KLRD1: variants seen among roughly 807,000 people sequenced by gnomAD.
The protein encoded by KLRD1 is killer cell lectin like receptor D1, also known as natural killer cells antigen CD94.
KLRD1 carries 21 observed loss-of-function variants against 22.6 expected under a neutral mutation model. The ratio of observed to expected loss-of-function variants is 0.93; its 90% CI spans 0.66 to 1.34. The LOEUF (loss-of-function observed/expected upper bound fraction) is 1.34. Ranked by LOEUF, KLRD1 falls within the 40% of genes most tolerant of loss-of-function variation. KLRD1 has a pLI of 0.00. For synonymous variants in KLRD1, 59 were observed against 71.1 expected (o/e 0.83, Z 0.85); for missense variants, 183 against 208.6 (o/e 0.88, Z 0.76).
chr12:10,283,388 G>A (rs12817905), intron 1 of KLRD1, among the ~76,000 whole-genome samples: 18,366 of 152,202 alleles, frequency 0.12, 1,803 homozygotes, highest in African/African-American at 0.26. Flanking sequence ...GAGGAGCGGA[G>A]AGTGGGGATA....
At chr12:10,301,949 C>T (rs1592073659), upstream of KLRD1, among the ~76,000 whole-genome samples, 3 of 152,030 alleles carry the variant, frequency 2.0e-5, no homozygotes, top group South Asian at 2.1e-4. Flanking sequence ...AGAGGGAGAA[C>T]GAGATGGGGA....
At chr12:10,272,381 G>A (rs550572949) in intron 1 of KLRD1, among the ~76,000 whole-genome samples, 145 of 152,164 alleles carry the variant, frequency 9.5e-4, no homozygotes, top group African/African-American at 3.3e-3. Flanking sequence ...TGAGATTTAA[G>A]TCCCCTCTAA....
upstream of KLRD1, among the ~76,000 whole-genome samples, chr12:10,305,828 G>A (rs1949913356): frequency 6.6e-6 from 1 of 152,128 alleles, no homozygotes; most frequent in South Asian, 2.1e-4. Context: ...GAGAGATACA[G>A]TACATGGAAA....
upstream of KLRD1, among the ~76,000 whole-genome samples, chr12:10,305,719 A>G (rs1451765463): frequency 2.0e-5 from 3 of 152,210 alleles, no homozygotes; most frequent in Non-Finnish European, 4.4e-5. Context: ...GAACCCATAG[A>G]TACAGCTATA....
At chr12:10,245,545 A>C (rs1949282763) in intron 1 of KLRD1, among the ~76,000 whole-genome samples, 1 of 152,094 alleles carries the variant, frequency 6.6e-6, no homozygotes, top group African/African-American at 2.4e-5. Flanking sequence ...GTAATTTTTA[A>C]CTCTCTGTTT....
intron 1 of KLRD1, among the ~76,000 whole-genome samples, chr12:10,284,440 A>T (rs1006542469): frequency 1.3e-5 from 2 of 152,294 alleles, no homozygotes; most frequent in African/African-American, 4.8e-5. Context: ...CCAGTTCTTT[A>T]TCCATAAGGC....
chr12:10,282,251 T>G (rs1269387377), intron 1 of KLRD1, among the ~76,000 whole-genome samples: 1 of 152,032 alleles, frequency 6.6e-6, no homozygotes, highest in African/African-American at 2.4e-5. Context: ...CACATATGTA[T>G]ACATACATTT....
intron 1 of KLRD1, among the ~76,000 whole-genome samples, chr12:10,254,636 C>T (rs1351080433): frequency 1.3e-5 from 2 of 152,018 alleles, no homozygotes; most frequent in African/African-American, 4.8e-5. Flanking sequence ...CACCTGTAAT[C>T]CCAGCACTTT....
intron 5 of KLRD1, among the ~76,000 whole-genome samples, chr12:10,314,212 GA>G (rs1285318298): frequency 1.3e-5 from 2 of 152,042 alleles, no homozygotes; most frequent in African/African-American, 2.4e-5. Flanking sequence ...TATTCTGGTA[GA>G]CCCCAATATT....
At chr12:10,266,979 ACGTG>A (rs1244002029) in intron 1 of KLRD1, among the ~76,000 whole-genome samples, 1 of 151,578 alleles carries the variant, frequency 6.6e-6, no homozygotes, top group Non-Finnish European at 1.5e-5. Context: ...CATGTGCACA[ACGTG>A]CAGGTTTGTT....
intron 3 of KLRD1, 94 bp from the exon 4 acceptor site, chr12:10,311,365 TAAAAG>T: frequency 5.9e-6 from 7 of 1,185,878 alleles, no homozygotes; most frequent in Non-Finnish European, 8.4e-6. Flanking sequence ...TTCTGAATGT[TAAAAG>T]AATACACAGC....
rs963306387 is a variant in KLRD1 at position 10,323,655 on chromosome 12, CT to C, written c.*8863del. Reference sequence around the variant, plus strand: ...ACTAACCTCAAAAGTATCCTTTCCCCTATGTATAAAATACTTCCTCTTGCTC... The same window carrying C: ...ACTAACCTCAAAAGTATCCTTTCCCCATGTATAAAATACTTCCTCTTGCTC... On this transcript the variant is annotated 3_prime_UTR_variant, in exon 6 of 6. Coordinates refer to ENST00000336164, the MANE Select transcript of KLRD1 (RefSeq NM_002262.5). 1 of 151,996 alleles carries C rather than the reference CT, an allele frequency of 6.6e-6. No individual in the cohort carries two copies. The highest frequency in any genetic ancestry group is 2.4e-5 in the African/African-American group (1 of 41,390). 9.4% of individuals were successfully genotyped at this position (151,996 alleles called of 1,614,324 possible).
upstream of KLRD1, among the ~76,000 whole-genome samples, chr12:10,301,407 T>G (rs544277985): frequency 2.0e-5 from 3 of 152,322 alleles, no homozygotes; most frequent in South Asian, 6.2e-4. Flanking sequence ...AGTTACCACA[T>G]TCTGATGATT....
chr12:10,239,527 CTTTCTTTCTTTCTT>C (rs1257006938), intron 1 of KLRD1, among the ~76,000 whole-genome samples: 12 of 38,448 alleles, frequency 3.1e-4, no homozygotes, highest in African/African-American at 1.3e-3. Context: ...CCCTTTCTTT[CTTTCTTTCTTTCTT>C]TCTTTCTTTC....
At chr12:10,277,695 CTG>C (rs1390886133) in intron 1 of KLRD1, among the ~76,000 whole-genome samples, 3 of 152,184 alleles carry the variant, frequency 2.0e-5, no homozygotes, top group South Asian at 2.1e-4. Flanking sequence ...ACAATCTTAA[CTG>C]TGATATACTA....
At chr12:10,250,621 C>T (rs1195228637) in intron 1 of KLRD1, among the ~76,000 whole-genome samples, 2 of 151,950 alleles carry the variant, frequency 1.3e-5, no homozygotes, top group African/African-American at 4.8e-5. Flanking sequence ...CCATGCCAGG[C>T]TAATTTTTGT....
intron 1 of KLRD1, among the ~76,000 whole-genome samples, chr12:10,282,097 C>T (rs1320587307): frequency 2.0e-5 from 3 of 152,016 alleles, no homozygotes; most frequent in East Asian, 1.9e-4. Context: ...GTACTCTGAT[C>T]GTTATATGTC....
At chr12:10,277,218 G>A (rs1949600767) in intron 1 of KLRD1, among the ~76,000 whole-genome samples, 1 of 149,462 alleles carries the variant, frequency 6.7e-6, no homozygotes, top group African/African-American at 2.5e-5. Context: ...TAGACTCACT[G>A]AGACTCACCC....
At position 10,328,250 on chromosome 12, in the gene KLRD1, A is replaced by C. The variant is rs1043031855; in HGVS notation, c.*13457A>C. 2 of 152,122 alleles carry C rather than the reference A, an allele frequency of 1.3e-5. No individual in the cohort carries two copies. Among genetic ancestry groups the C allele is most frequent in the African/African-American group, 4.8e-5 (2 of 41,444 alleles). The allele number at this position is 152,122 out of a possible 1,614,324, so 9.4% of individuals were successfully genotyped here. A position where few individuals can be genotyped will look rare whatever the true frequency, so the allele number is the denominator to read the frequency against. On this transcript the variant is annotated 3_prime_UTR_variant, in exon 6 of 6. Coordinates refer to ENST00000336164, the MANE Select transcript of KLRD1 (RefSeq NM_002262.5). ...AAGATGGCCATTAATTTCTCCTTAA[A>C]TATTTGGTGGCTTCACCAGAAGAGC...
Sources: allele counts gnomAD v4.1 joint callset (sites outside exome capture counted in the v4.1 genomes callset), GRCh38; gene constraint gnomAD v4.1.1; transcripts MANE v1.5; gene names NCBI Gene and HGNC (gene_info 2026-07-23, HGNC 2026-07-21).